The following FAM120C variants were observed in gnomAD, a reference collection of about 807,000 sequenced individuals.
FAM120C encodes family with sequence similarity 120 member C, also known as constitutive coactivator of PPAR-gamma-like protein 2.
FAM120C carries 14 observed loss-of-function variants against 71.2 expected under a neutral mutation model. The ratio of observed to expected loss-of-function variants is 0.20; its 90% CI spans 0.13 to 0.31. FAM120C has a LOEUF of 0.31. FAM120C is among the 10% of genes least tolerant of loss of function. FAM120C has a pLI of 1.00. For synonymous variants in FAM120C, 354 were observed against 353.2 expected, an observed-to-expected ratio of 1.00 and a Z score of -0.03; for missense variants, 500 against 879.0, an observed-to-expected ratio of 0.57 and a Z score of 5.45.
At chrX:54,177,086 T>C (rs1464050926) in intron 1 of FAM120C, among the ~76,000 whole-genome samples, 1 of 110,951 alleles carries the variant, frequency 9.0e-6, no homozygotes, top group African/African-American at 3.3e-5. Flanking sequence ...TCTAGGAAAC[T>C]AAGAAAATAT....
chrX:54,091,391 T>C lies in FAM120C; in HGVS notation c.2348A>G (p.His783Arg), dbSNP rs2066823768. The C allele has an allele frequency of 2.5e-6, 3 of 1,209,605 alleles. No homozygotes were observed. Among genetic ancestry groups the C allele is most frequent in the South Asian group, 3.5e-5 (2 of 56,786 alleles). Residue 783 changes from histidine (H) to arginine (R), a missense_variant, in exon 11 of 16, where the codon CAT (histidine) becomes CGT (arginine). Physicochemically the swap from His to Arg is conservative, Grantham distance 29. Around this residue, in one of 11 missense-constraint regions of FAM120C, gnomAD observed 104 missense variants for 254.5 expected, o/e 0.41. Transcript: ENST00000375180. ...AAGGAAGGTGTCTAGCTCATGGCGA[T>C]GCAGGATTCGGCCACCAGGCCACTG... Reference protein sequence around the residue: ...MVQWPGGRILHRHELDTFLAQ... With the variant: ...MVQWPGGRILRRHELDTFLAQ...
chrX:54,135,156 G>C (rs782517373), intron 6 of FAM120C, 45 bp from the exon 7 acceptor site: 15 of 1,125,390 alleles, frequency 1.3e-5, no homozygotes, highest in Non-Finnish European at 1.8e-5. Context: ...ATTTTATAAG[G>C]CTCCAAGGTG....
intron 1 of FAM120C, chrX:54,173,981 C>T: frequency 9.1e-6 from 4 of 441,454 alleles, no homozygotes; most frequent in East Asian, 7.6e-5. Flanking sequence ...GGGAAGGATC[C>T]GCTTCCAAGC....
chrX:54,167,415 A>G (rs1249366632), intron 1 of FAM120C, among the ~76,000 whole-genome samples: 1 of 111,868 alleles, frequency 8.9e-6, no homozygotes, highest in South Asian at 3.7e-4. Flanking sequence ...TGATCAGAGA[A>G]AACAGCACAT....
intron 1 of FAM120C, among the ~76,000 whole-genome samples, chrX:54,180,109 G>C (rs1242414201): frequency 1.8e-5 from 2 of 111,554 alleles, no homozygotes; most frequent in Non-Finnish European, 3.8e-5. Flanking sequence ...AATATACTAA[G>C]GGCTGCTTCT....
intron 12 of FAM120C, among the ~76,000 whole-genome samples, 194 bp from the exon 13 acceptor site, chrX:54,086,110 G>A: frequency 9.0e-6 from 1 of 111,377 alleles, no homozygotes; most frequent in Non-Finnish European, 1.9e-5. Flanking sequence ...CTCTTTACAT[G>A]ACATCACACT....
chrX:54,177,215 G>A (rs782781398), intron 1 of FAM120C, among the ~76,000 whole-genome samples: 1 of 111,288 alleles, frequency 9.0e-6, no homozygotes, highest in South Asian at 3.8e-4. Flanking sequence ...GGTAGGGTGG[G>A]CAAATACACC....
chrX:54,140,153 G>A lies in FAM120C; in HGVS notation c.1159-3563C>T, dbSNP rs782462721. Reference sequence around the variant, plus strand: ...CTATTAAAAATAAAAAAAATTAGCCGGGTGTGGTGGCGTGCACCTATAATC... The same window carrying A: ...CTATTAAAAATAAAAAAAATTAGCCAGGTGTGGTGGCGTGCACCTATAATC... On this transcript the variant is annotated intron_variant, in intron 4 of 15. Transcript: ENST00000375180. Among the ~76,000 whole-genome samples the A allele has an allele frequency of 1.3e-4, 14 of 107,760 alleles. No homozygotes were observed. The South Asian group carries it at 3.4e-3, about 26-fold the overall frequency. 93.6% of individuals were successfully genotyped at this position (107,760 alleles called of 115,157 possible).
chrX:54,173,279 G>A (rs782504582), intron 1 of FAM120C, among the ~76,000 whole-genome samples: 3 of 111,469 alleles, frequency 2.7e-5, no homozygotes, highest in African/African-American at 6.5e-5. Context: ...ACGGAGTTTC[G>A]CTCTTATTGC....
At position 54,071,375 on chromosome X, in the gene FAM120C, C is replaced by A. The variant is rs2066707991; in HGVS notation, c.*1658G>T. 8.9e-6 allele frequency: 1 copy of A among 112,870 alleles called. No homozygotes were observed. Among genetic ancestry groups the A allele is most frequent in the African/African-American group, 3.2e-5 (1 of 31,116 alleles). The allele number at this position is 112,870 out of a possible 1,213,427, so 9.3% of individuals were successfully genotyped here. ...CCAGAGTCCTCTAAAGTCTTCCTTG[C>A]AAAGCAAATGAAAAGATCCAGTAGT... On this transcript the variant is annotated 3_prime_UTR_variant, in exon 16 of 16. Coordinates refer to ENST00000375180, the MANE Select transcript of FAM120C (RefSeq NM_017848.6).
At position 54,071,703 on chromosome X, in the gene FAM120C, G is replaced by GCT. The variant is rs2066709510; in HGVS notation, c.*1328_*1329dup. The GCT allele has an allele frequency of 8.9e-6, 1 of 111,776 alleles. No homozygotes were observed. The highest frequency in any genetic ancestry group is 2.8e-4 in the East Asian group (1 of 3,546). The allele number at this position is 111,776 out of a possible 1,213,427, so 9.2% of individuals were successfully genotyped here. ...TGTTTTCACCATATGGGATGTGAGG[G>GCT]CTCTGTTCAAGATTAAGCTTGTAAC... On this transcript the variant is annotated 3_prime_UTR_variant, in exon 16 of 16. Coordinates refer to ENST00000375180, the MANE Select transcript of FAM120C (RefSeq NM_017848.6).
At position 54,070,122 on chromosome X, in the gene FAM120C, C is replaced by T. The variant is rs1405920980; in HGVS notation, c.*2911G>A. On this transcript the variant is annotated 3_prime_UTR_variant, in exon 16 of 16. Transcript: ENST00000375180. ...CCTCCAATTAGAAAAAGTTCATCTC[C>T]CTGTAATGAACCTTAGTTTTCCTGG... 4 of 111,914 alleles carry T rather than the reference C, an allele frequency of 3.6e-5. No homozygotes were observed. The highest frequency in any genetic ancestry group is 2.9e-4 in the Admixed American group (3 of 10,490). The allele number at this position is 111,914 out of a possible 1,213,427, so 9.2% of individuals were successfully genotyped here.
intron 13 of FAM120C, among the ~76,000 whole-genome samples, chrX:54,084,220 C>A (rs781802394): frequency 9.0e-6 from 1 of 111,538 alleles, no homozygotes; most frequent in East Asian, 2.8e-4. Context: ...AAAATCAACA[C>A]ATAAAGAACG....
At chrX:54,140,445 C>T (rs1157357760) in intron 4 of FAM120C, among the ~76,000 whole-genome samples, 3 of 106,405 alleles carry the variant, frequency 2.8e-5, no homozygotes, top group African/African-American at 1.0e-4. Flanking sequence ...ATGGTGATAC[C>T]CCATCTTTAC....
At chrX:54,078,619 T>G (rs1224502256) in intron 15 of FAM120C, among the ~76,000 whole-genome samples, 1 of 111,204 alleles carries the variant, frequency 9.0e-6, no homozygotes, top group Non-Finnish European at 1.9e-5. Context: ...CAGAATAGAT[T>G]TAGGATTGAG....
At chrX:54,136,215 G>A (rs1557130528) in intron 5 of FAM120C, among the ~76,000 whole-genome samples, 1 of 111,328 alleles carries the variant, frequency 9.0e-6, no homozygotes, top group Non-Finnish European at 1.9e-5. Context: ...GGCCAGGCTG[G>A]TCGTGAACTC....
chrX:54,088,118 C>T (rs1421631442), intron 11 of FAM120C, among the ~76,000 whole-genome samples, 154 bp from the exon 12 acceptor site: 1 of 111,903 alleles, frequency 8.9e-6, no homozygotes, highest in African/African-American at 3.2e-5. Context: ...CTATCCATGT[C>T]TTTCCCCTAA....
rs189331801 is a variant in FAM120C, at chrX:54,100,126, G to A, written c.2313-8700C>T. Among the ~76,000 whole-genome samples, 992 of 110,538 alleles carry A rather than the reference G, an allele frequency of 9.0e-3. 8 individuals carry two copies. Among genetic ancestry groups the A allele is most frequent in the African/African-American group, 0.032 (964 of 30,365 alleles). On this transcript the variant is annotated intron_variant, in intron 10 of 15. Transcript: ENST00000375180. Reference sequence around the variant, plus strand: ...TTTGGGAGGCTGAGGCGGGAGGATCGCTTGAGTCCAGGAGTTTGAGACCAG... The same window carrying A: ...TTTGGGAGGCTGAGGCGGGAGGATCACTTGAGTCCAGGAGTTTGAGACCAG...
At chrX:54,169,290 CT>C (rs2067275362) in intron 1 of FAM120C, among the ~76,000 whole-genome samples, 2 of 111,201 alleles carry the variant, frequency 1.8e-5, no homozygotes, top group Non-Finnish European at 3.8e-5. Context: ...GAGTGAGACC[CT>C]GTCTTTAAAA....
Sources: allele counts gnomAD v4.1 joint callset (sites outside exome capture counted in the v4.1 genomes callset), GRCh38; gene constraint gnomAD v4.1.1; regional missense constraint gnomAD v4.1.1; transcripts MANE v1.5; gene names NCBI Gene and HGNC (gene_info 2026-07-23, HGNC 2026-07-21).